ZDHHC7: variants seen among roughly 807,000 people sequenced by gnomAD.
ZDHHC7 encodes the protein palmitoyltransferase ZDHHC7.
ZDHHC7 carries 12 observed loss-of-function variants against 34.1 expected under a neutral mutation model. The ratio of observed to expected loss-of-function variants is 0.35; its 90% CI spans 0.23 to 0.57. ZDHHC7 has a LOEUF of 0.57. Ranked by LOEUF, ZDHHC7 falls within the 20% of genes least tolerant of loss-of-function variation. ZDHHC7 has a pLI of 0.84. For synonymous variants in ZDHHC7, 185 were observed against 155.4 expected (o/e 1.19, Z -1.42); for missense variants, 388 against 402.7 (o/e 0.96, Z 0.31).
At chr16:85,007,696 A>AAAAGGGAAC (rs2072736419) in intron 1 of ZDHHC7, among the ~76,000 whole-genome samples, 1 of 152,096 alleles carries the variant, frequency 6.6e-6, no homozygotes, top group South Asian at 2.1e-4. Flanking sequence ...CATTTTAGTT[A>AAAAGGGAAC]AAAGGGAACT....
rs966018367 is a variant in ZDHHC7, at chr16:84,974,497, A to AAGTT, written c.*1842_*1845dup. 11 of 152,602 alleles carry AAGTT rather than the reference A, an allele frequency of 7.2e-5. No homozygotes were observed. The highest frequency in any genetic ancestry group is 3.3e-4 in the Admixed American group (5 of 15,290). The allele number at this position is 152,602 out of a possible 1,614,324, so 9.5% of individuals were successfully genotyped here. A position where few individuals can be genotyped will look rare whatever the true frequency, so the allele number is the denominator to read the frequency against. The stretch of plus-strand genomic sequence containing the variant: ...TAATTGATTACTTTATTTCATATAA[A>AAGTT]AGTTACATTGAAAGAAGAGGTTGAA... On this transcript the variant is annotated 3_prime_UTR_variant, in exon 8 of 8. Coordinates refer to ENST00000313732, the MANE Select transcript of ZDHHC7 (RefSeq NM_017740.3).
chr16:85,004,957 G>T (rs1398627460), intron 1 of ZDHHC7: 2 of 152,330 alleles, frequency 1.3e-5, no homozygotes, highest in South Asian at 2.1e-4. Flanking sequence ...AAACATGTGC[G>T]CGGGACCTCA....
chr16:85,022,384 C>A, the ZDHHC7 span, among the ~76,000 whole-genome samples: 15 of 151,906 alleles, frequency 9.9e-5, no homozygotes, highest in East Asian at 2.9e-3. Flanking sequence ...ATTAGCCAGG[C>A]ATGATGCACA....
intron 3 of ZDHHC7, among the ~76,000 whole-genome samples, chr16:84,986,950 G>C (rs1178390864): frequency 6.6e-6 from 1 of 152,188 alleles, no homozygotes; most frequent in Non-Finnish European, 1.5e-5. Context: ...GGTGACACCT[G>C]ACCCTGCTGG....
intron 4 of ZDHHC7, 26 bp downstream of exon 4, chr16:84,981,844 C>A (rs1204013067): frequency 1.9e-6 from 3 of 1,613,206 alleles, no homozygotes; most frequent in Admixed American, 1.7e-5. Context: ...CGGATGCGCT[C>A]GGGTTTAATA....
chr16:84,988,149 C>G (rs1055582084), intron 3 of ZDHHC7, among the ~76,000 whole-genome samples: 2 of 151,894 alleles, frequency 1.3e-5, no homozygotes, highest in Non-Finnish European at 2.9e-5. Context: ...CCAGCCTGGG[C>G]GACAGAGTGA....
chr16:84,976,250 C>T lies in ZDHHC7; in HGVS notation c.*93G>A. The T allele has an allele frequency of 6.7e-7, 1 of 1,501,692 alleles. No homozygotes were observed. Among genetic ancestry groups the T allele is most frequent in the South Asian group, 1.2e-5 (1 of 82,508 alleles). The allele number at this position is 1,501,692 out of a possible 1,614,324, so 93.0% of individuals were successfully genotyped here. A position where few individuals can be genotyped will look rare whatever the true frequency, so the allele number is the denominator to read the frequency against. On this transcript the variant is annotated 3_prime_UTR_variant, in exon 8 of 8. Coordinates refer to ENST00000313732, the MANE Select transcript of ZDHHC7 (RefSeq NM_017740.3). ...AATTGGTTTGTGTAGGTTCCAGTTG[C>T]CCTGTTGGTCACAGATGAGCTGTTG... is the stretch of plus-strand genomic sequence containing the variant.
the ZDHHC7 span, among the ~76,000 whole-genome samples, chr16:85,020,400 C>G: frequency 6.6e-6 from 1 of 152,184 alleles, no homozygotes; most frequent in East Asian, 1.9e-4. Context: ...AGCTTAGAGT[C>G]CATTTTCACA....
At chr16:85,001,546 C>G (rs907470997) in intron 1 of ZDHHC7, among the ~76,000 whole-genome samples, 1 of 150,700 alleles carries the variant, frequency 6.6e-6, no homozygotes, top group Non-Finnish European at 1.5e-5. Flanking sequence ...TCCAGGTAAG[C>G]AAGAGGAGGA....
chr16:84,984,064 G>C (rs1187503962), intron 3 of ZDHHC7, among the ~76,000 whole-genome samples: 1 of 149,232 alleles, frequency 6.7e-6, no homozygotes, highest in African/African-American at 2.5e-5. Context: ...CTGTTGCCCA[G>C]GCTGGAGTGC....
Position 84,981,934 on chromosome 16 carries a change from C to A in ZDHHC7, c.376G>T (p.Gly126Trp). ...EYMESLQLKP[G>W]EVIYKCPKCC... is the part of the protein sequence containing the mutation. ...TTGGGGCACTTGTAGATGACTTCCC[C>A]GGGCTTCAGCTGCAAGCTCTCCATG... is the stretch of plus-strand genomic sequence containing the variant. The change falls in exon 4 of 8, where the codon GGG (glycine) becomes TGG (tryptophan). Residue 126 changes from glycine (G) to tryptophan (W), a missense_variant. Coordinates refer to ENST00000313732, the MANE Select transcript of ZDHHC7 (RefSeq NM_017740.3). The A allele has an allele frequency of 6.2e-7, 1 of 1,614,210 alleles. No homozygotes were observed. The highest frequency in any genetic ancestry group is 8.5e-7 in the Non-Finnish European group (1 of 1,180,022).
chr16:85,022,548 C>A, the ZDHHC7 span, among the ~76,000 whole-genome samples: 3 of 151,922 alleles, frequency 2.0e-5, no homozygotes, highest in East Asian at 1.9e-4. Flanking sequence ...GAGAAGAAGA[C>A]AACTCAACAT....
In ZDHHC7 at chr16:84,976,549, C is replaced by T. The variant is rs369601970; in HGVS notation, c.751-30G>A. On this transcript the variant is annotated intron_variant, in intron 7 of 7. Transcript: ENST00000313732. ...AAGCAGAAAGAAAAGCAAGTGGCAG[C>T]GGCTCCAGGAAGCTCGGCAGACCCC... is the stretch of plus-strand genomic sequence containing the variant. The T allele has an allele frequency of 3.1e-5, 50 of 1,608,280 alleles. No homozygotes were observed. The East Asian group carries it at 4.9e-4, about 16-fold the overall frequency.
intron 3 of ZDHHC7, among the ~76,000 whole-genome samples, chr16:84,985,851 A>C (rs376154776): frequency 1.3e-5 from 2 of 151,324 alleles, no homozygotes; most frequent in African/African-American, 4.9e-5. Context: ...GCTACTCAGA[A>C]AGCTGAGGTG....
intron 3 of ZDHHC7, among the ~76,000 whole-genome samples, chr16:84,984,585 G>C (rs550841341): frequency 1.8e-3 from 270 of 152,258 alleles, no homozygotes; most frequent in Non-Finnish European, 3.2e-3. Context: ...CCAGTTTTTG[G>C]TCACTTATGA....
At chr16:84,987,099 G>A (rs994369727) in intron 3 of ZDHHC7, among the ~76,000 whole-genome samples, 1 of 152,174 alleles carries the variant, frequency 6.6e-6, no homozygotes, top group African/African-American at 2.4e-5. Flanking sequence ...GAGGACAGCT[G>A]CCAGCCTCTC....
chr16:84,975,449 C>CAA lies in ZDHHC7; in HGVS notation c.*892_*893dup, dbSNP rs60226788. ...TTATACACTGCTAATTTGGCTGGAA[C>CAA]AAAAAAAAAAAATCAGTTCCAAGGC... On this transcript the variant is annotated 3_prime_UTR_variant, in exon 8 of 8. Coordinates refer to ENST00000313732, the MANE Select transcript of ZDHHC7 (RefSeq NM_017740.3). The CAA allele has an allele frequency of 0.01, 1,454 of 143,018 alleles. 12 individuals carry two copies. The highest frequency in any genetic ancestry group is 0.014 in the Non-Finnish European group (878 of 64,854). The allele number at this position is 143,018 out of a possible 1,614,324, so 8.9% of individuals were successfully genotyped here. A position where few individuals can be genotyped will look rare whatever the true frequency, so the allele number is the denominator to read the frequency against.
intron 1 of ZDHHC7, among the ~76,000 whole-genome samples, chr16:85,000,128 G>C (rs919382442): frequency 2.0e-5 from 3 of 152,032 alleles, no homozygotes; most frequent in South Asian, 2.1e-4. Flanking sequence ...CAACAAGCAA[G>C]ACCCTGTCTC....
chr16:84,989,443 C>G (rs1280828787), intron 3 of ZDHHC7, among the ~76,000 whole-genome samples: 1 of 152,194 alleles, frequency 6.6e-6, no homozygotes, highest in African/African-American at 2.4e-5. Flanking sequence ...TGCCTGTAAT[C>G]TCAGCACTTT....
Sources: allele counts gnomAD v4.1 joint callset (sites outside exome capture counted in the v4.1 genomes callset), GRCh38; gene constraint gnomAD v4.1.1; transcripts MANE v1.5; gene names NCBI Gene and HGNC (gene_info 2026-07-23, HGNC 2026-07-21).